Variants in FXYD4 observed in about 807,000 individuals in gnomAD.
The protein encoded by FXYD4 is FXYD domain-containing ion transport regulator 4.
A neutral mutation model predicts 18.3 loss-of-function variants in FXYD4; 14 were observed. The ratio of observed to expected loss-of-function variants is 0.77; its 90% CI spans 0.51 to 1.20. FXYD4 has a LOEUF of 1.20. Ranked by LOEUF, FXYD4 falls within the 50% of genes most tolerant of loss-of-function variation. The pLI is 0.00. For missense variants in FXYD4, 99 were observed against 106.1 expected, an observed-to-expected ratio of 0.93 and a Z score of 0.29; for synonymous variants, 40 against 40.5, an observed-to-expected ratio of 0.99 and a Z score of 0.04.
At chr10:43,373,832 A>G in intron 3 of FXYD4, 49 bp downstream of exon 3, 1 of 1,246,982 alleles carries the variant, frequency 8.0e-7, no homozygotes, top group Non-Finnish European at 1.2e-6. Context: ...CCCCACCCAC[A>G]AAGGCAGCAA....
At chr10:43,375,021 CTTTTT>C (rs964746350) in intron 5 of FXYD4, among the ~76,000 whole-genome samples, 2 of 93,564 alleles carry the variant, frequency 2.1e-5, no homozygotes, top group African/African-American at 5.2e-5. Flanking sequence ...ATGTCCACTT[CTTTTT>C]TTTTTTTTTT....
chr10:43,375,434 G>T, intron 5 of FXYD4, 65 bp from the exon 6 acceptor site: 1 of 1,236,388 alleles, frequency 8.1e-7, no homozygotes. Context: ...GGGCTCAGGA[G>T]TGTCTTTTGA....
chr10:43,374,507 G>A lies in FXYD4; in HGVS notation c.70+5G>A, dbSNP rs1330439662. Reference sequence around the variant, plus strand: ...TGGAAGCCAATGACCCATTTGGTGAGTGAGGCCCCCAAACAGCCTGCCCAC... The same window carrying A: ...TGGAAGCCAATGACCCATTTGGTGAATGAGGCCCCCAAACAGCCTGCCCAC... On this transcript the variant is annotated splice_donor_5th_base_variant and intron_variant, in intron 4 of 8. Coordinates refer to ENST00000476166, the MANE Select transcript of FXYD4 (RefSeq NM_173160.3). 3.1e-6 allele frequency: 5 copies of A among 1,614,118 alleles called. No homozygotes were observed. Among genetic ancestry groups the A allele is most frequent in the Non-Finnish European group, 3.4e-6 (4 of 1,179,946 alleles).
Position 43,376,271 on chromosome 10 carries a change from G to C in FXYD4, c.*105G>C. ...AAGGAAGGACTTCTCTCCAAGGGCA[G>C]GCTGTTAGGCCCCTTTCTGATCAGG... On this transcript the variant is annotated 3_prime_UTR_variant, in exon 9 of 9. Coordinates refer to ENST00000476166, the MANE Select transcript of FXYD4 (RefSeq NM_173160.3). The C allele has an allele frequency of 8.1e-7, 1 of 1,228,210 alleles. No individual in the cohort carries two copies. The highest frequency in any genetic ancestry group is 1.2e-6 in the Non-Finnish European group (1 of 841,038). 76.1% of individuals were successfully genotyped at this position (1,228,210 alleles called of 1,614,324 possible).
At chr10:43,372,044 C>CA (rs60010547) in intron 1 of FXYD4, among the ~76,000 whole-genome samples, 59 of 138,508 alleles carry the variant, frequency 4.3e-4, no homozygotes, top group East Asian at 4.2e-3. Flanking sequence ...GACCCTGTCT[C>CA]AAAAAAAAAA....
chr10:43,375,994 GC>G, intron 7 of FXYD4, 37 bp from the exon 8 acceptor site: 1 of 1,611,150 alleles, frequency 6.2e-7, no homozygotes, highest in Non-Finnish European at 8.5e-7. Flanking sequence ...GGTCCTCCAG[GC>G]TAACCTGATA....
intron 3 of FXYD4, 62 bp downstream of exon 3, chr10:43,373,845 G>A: frequency 9.1e-7 from 1 of 1,099,934 alleles, no homozygotes; most frequent in Non-Finnish European, 1.4e-6. Flanking sequence ...GGCAGCAAAA[G>A]CCAGACAACA....
Position 43,373,501 on chromosome 10 carries a change from C to A in FXYD4, c.-232-14C>A. ...TCTTAGCTTGTGCTTACTCAATCCA[C>A]ACAACTCCCCCAGGCCACCACCATC... On this transcript the variant is annotated splice_polypyrimidine_tract_variant and intron_variant, in intron 2 of 8. Transcript: ENST00000476166. 1.7e-6 allele frequency: 1 copy of A among 574,294 alleles called. No individual in the cohort carries two copies. Among genetic ancestry groups the A allele is most frequent in the South Asian group, 2.2e-5 (1 of 46,058 alleles). 35.6% of individuals were successfully genotyped at this position (574,294 alleles called of 1,614,324 possible). A position where few individuals can be genotyped will look rare whatever the true frequency, so the allele number is the denominator to read the frequency against.
intron 1 of FXYD4, among the ~76,000 whole-genome samples, chr10:43,371,963 G>A (rs1031068533): frequency 6.6e-6 from 1 of 151,178 alleles, no homozygotes; most frequent in African/African-American, 2.4e-5. Context: ...GAGATCACCT[G>A]AGCCAAGAGA....
intron 1 of FXYD4, among the ~76,000 whole-genome samples, chr10:43,372,088 A>G (rs1047835392): frequency 2.0e-5 from 3 of 151,664 alleles, no homozygotes; most frequent in Non-Finnish European, 4.4e-5. Context: ...AAAATAAAAA[A>G]TGTGACCTAG....
At chr10:43,374,777 C>T (rs1837848566) in intron 5 of FXYD4, 138 bp downstream of exon 5, 5 of 785,284 alleles carry the variant, frequency 6.4e-6, no homozygotes, top group Non-Finnish European at 1.1e-5. Flanking sequence ...GTGAGAGCGT[C>T]GCTCCAACAA....
At position 43,373,719 on chromosome 10, in the gene FXYD4, C is replaced by G. The variant is rs1837835298; in HGVS notation, c.-28C>G. ...AGACCCCCGCCCCAGTGCCTCTCCC[C>G]CTGCAGCCCTGCCCCTCGAACTGTG... is the stretch of plus-strand genomic sequence containing the variant. On this transcript the variant is annotated 5_prime_UTR_variant, in exon 3 of 9. Transcript: ENST00000476166. 6.5e-7 allele frequency: 1 copy of G among 1,536,268 alleles called. No individual in the cohort carries two copies. The highest frequency in any genetic ancestry group is 1.1e-5 in the South Asian group (1 of 89,668).
chr10:43,374,382 CA>C, intron 3 of FXYD4, 87 bp from the exon 4 acceptor site: 3 of 1,326,834 alleles, frequency 2.3e-6, no homozygotes, highest in Non-Finnish European at 3.3e-6. Flanking sequence ...GGTCACCCCA[CA>C]ACCTCCGGGC....
At chr10:43,374,563 T>C (rs377268537) in intron 4 of FXYD4, 50 bp from the exon 5 acceptor site, 17 of 1,612,048 alleles carry the variant, frequency 1.1e-5, no homozygotes, top group Admixed American at 1.7e-5. Flanking sequence ...GACACCCACA[T>C]CCTGTCTCCT....
intron 5 of FXYD4, among the ~76,000 whole-genome samples, chr10:43,374,872 T>A (rs1241910307): frequency 1.3e-5 from 2 of 151,734 alleles, no homozygotes; most frequent in Non-Finnish European, 2.9e-5. Context: ...AAATCACCCC[T>A]ACCCTCTTGC....
chr10:43,375,706 A>G lies in FXYD4; in HGVS notation c.184A>G (p.Lys62Glu), dbSNP rs765344965. 6.2e-7 allele frequency: 1 copy of G among 1,614,178 alleles called. No individual in the cohort carries two copies. The highest frequency in any genetic ancestry group is 1.1e-5 in the South Asian group (1 of 91,088). ...TCTCTCTCTCCCAGGTGGCAAATGC[A>G]AATGCAAGAGCAGCCAGAAGCAGCA... The part of the protein sequence containing the change: ...GIAAVLSGKC[K>E]CKSSQKQHSP... Residue 62 changes from lysine to glutamate, a missense_variant, in exon 7 of 9, where the codon AAA becomes GAA. By Grantham distance (56) the Lys-to-Glu change is moderately conservative. Transcript: ENST00000476166.
Position 43,373,540 on chromosome 10 carries a change from A to G in FXYD4, c.-207A>G. The G allele has an allele frequency of 1.7e-6, 1 of 592,804 alleles. No homozygotes were observed. 36.7% of individuals were successfully genotyped at this position (592,804 alleles called of 1,614,324 possible). A position where few individuals can be genotyped will look rare whatever the true frequency, so the allele number is the denominator to read the frequency against. ...GCCACCACCATCTCTAGATGGGAAG[A>G]CAGAAAGTAGTTACTTTCCCAAGAT... On this transcript the variant is annotated 5_prime_UTR_variant, in exon 3 of 9. Coordinates refer to ENST00000476166, the MANE Select transcript of FXYD4 (RefSeq NM_173160.3).
Position 43,376,050 on chromosome 10 carries a change from C to T in FXYD4, c.231C>T (p.Ala77=). The T allele has an allele frequency of 6.2e-7, 1 of 1,614,110 alleles. No individual in the cohort carries two copies. Among genetic ancestry groups the T allele is most frequent in the Middle Eastern group, 1.6e-4 (1 of 6,062 alleles). ...TCTCTAGTCCTGTACCTGAGAAGGC[C>T]ATCCCACTCATCACTCCAGGTGAGA... ...QKQHSPVPEK[A]IPLITPGSAT... is the part of the protein sequence containing the mutation. Residue 77 remains alanine, a synonymous_variant, in exon 8 of 9, where the codon GCC becomes GCT. Transcript: ENST00000476166.
In FXYD4 at chr10:43,373,648, T is replaced by TAG; in HGVS notation, c.-99_-98insAG. The TAG allele has an allele frequency of 1.3e-6, 1 of 785,554 alleles. No homozygotes were observed. The highest frequency in any genetic ancestry group is 2.3e-6 in the Non-Finnish European group (1 of 431,140). The allele number at this position is 785,554 out of a possible 1,614,324, so 48.7% of individuals were successfully genotyped here. A position where few individuals can be genotyped will look rare whatever the true frequency, so the allele number is the denominator to read the frequency against. ...TGCCTGCCCCCGCCCCTGCCTCCTC[T>TAG]CGCTGACCAATTGAGCTGTGAGCCT... is the stretch of plus-strand genomic sequence containing the variant. On this transcript the variant is annotated 5_prime_UTR_variant, in exon 3 of 9. The change abolishes the stop of an existing upstream ORF in the 5' untranslated region. Coordinates refer to ENST00000476166, the MANE Select transcript of FXYD4 (RefSeq NM_173160.3).
Sources: gnomAD v4.1 joint callset for allele counts (sites outside exome capture counted in the v4.1 genomes callset) on GRCh38, gnomAD v4.1.1 for gene constraint, MANE v1.5 for transcripts, NCBI Gene and HGNC (gene_info 2026-07-23, HGNC 2026-07-21) for gene names.